Variants in CBR4 observed in about 807,000 individuals in gnomAD.
CBR4 encodes the protein 3-oxoacyl-[acyl-carrier-protein] reductase.
CBR4 carries 22 observed loss-of-function variants against 21.0 expected under a neutral mutation model. That is an observed-to-expected ratio of 1.05 (90% CI 0.75 to 1.50). The LOEUF (loss-of-function observed/expected upper bound fraction) is 1.50, where lower values mean the gene tolerates loss of function less well. CBR4 is among the 40% of genes most tolerant of loss of function. CBR4 has a pLI of 0.00. For synonymous variants in CBR4, 100 were observed against 104.4 expected, an observed-to-expected ratio of 0.96 and a Z score of 0.26; for missense variants, 302 against 286.3, an observed-to-expected ratio of 1.05 and a Z score of -0.40.
At chr4:168,927,223 G>A (rs2126629933) in intron 2 of CBR4, 1 of 231,234 alleles carries the variant, frequency 4.3e-6, no homozygotes, top group Non-Finnish European at 8.6e-6. Context: ...GGAGGAGAAT[G>A]AAGGAAAATG....
intron 2 of CBR4, among the ~76,000 whole-genome samples, chr4:168,906,032 G>C (rs1040046868): frequency 2.6e-5 from 4 of 151,860 alleles, no homozygotes; most frequent in Non-Finnish European, 4.4e-5. Flanking sequence ...GCATTTCCTT[G>C]ACATTAACAA....
Position 168,989,187 on chromosome 4 carries a change from A to C in CBR4, c.*963T>G. On this transcript the variant is annotated 3_prime_UTR_variant, in exon 5 of 5. Coordinates refer to ENST00000306193, the MANE Select transcript of CBR4 (RefSeq NM_032783.5). ...TCTAGAATTTTGGGATAAGAATCAT[A>C]ATCACTAATGCAAAATACTCTTAAT... 6.2e-6 allele frequency: 6 copies of C among 967,254 alleles called. No individual in the cohort carries two copies. The highest frequency in any genetic ancestry group is 7.4e-6 in the Non-Finnish European group (6 of 813,396). 59.9% of individuals were successfully genotyped at this position (967,254 alleles called of 1,614,324 possible).
chr4:168,896,711 G>A (rs1755257981), intron 2 of CBR4: 1 of 668,534 alleles, frequency 1.5e-6, no homozygotes, highest in Non-Finnish European at 2.6e-6. Context: ...AATTATAAAT[G>A]CTATGACCAG....
intron 2 of CBR4, among the ~76,000 whole-genome samples, chr4:168,929,848 T>G (rs1425873710): frequency 3.3e-5 from 5 of 152,164 alleles, no homozygotes; most frequent in Admixed American, 6.5e-5. Context: ...CTCAATAAAT[T>G]TCAGCTATTA....
At chr4:168,913,790 G>C (rs1759540069) in intron 2 of CBR4, 1 of 698,550 alleles carries the variant, frequency 1.4e-6, no homozygotes, top group Non-Finnish European at 2.6e-6. Context: ...TTTCTGAAAA[G>C]GGTTAGTCAT....
chr4:168,911,300 A>C (rs1405699757), intron 2 of CBR4, among the ~76,000 whole-genome samples: 3 of 152,216 alleles, frequency 2.0e-5, no homozygotes, highest in Non-Finnish European at 2.9e-5. Context: ...TTTAAGTCTG[A>C]ATTTAACTTA....
At chr4:168,899,829 A>G (rs909065724) in intron 2 of CBR4, among the ~76,000 whole-genome samples, 4 of 151,700 alleles carry the variant, frequency 2.6e-5, no homozygotes, top group African/African-American at 9.7e-5. Flanking sequence ...AGGCAGGAGA[A>G]TTGCTGGAAC....
chr4:168,953,106 A>T (rs1222119013), intron 2 of CBR4, among the ~76,000 whole-genome samples: 1 of 152,060 alleles, frequency 6.6e-6, no homozygotes, highest in Non-Finnish European at 1.5e-5. Context: ...GCTGTGGAGG[A>T]TGTGGGTGAG....
intron 2 of CBR4, among the ~76,000 whole-genome samples, chr4:168,936,010 CAGACATCTCATA>C (rs1262056864): frequency 1.3e-5 from 2 of 152,174 alleles, no homozygotes; most frequent in Admixed American, 6.5e-5. Context: ...CAGGGGTCGA[CAGACATCTCATA>C]CAGGACAGCT....
intron 3 of CBR4, among the ~76,000 whole-genome samples, 197 bp from the exon 4 acceptor site, chr4:169,002,402 T>C (rs919354514): frequency 3.3e-5 from 5 of 152,194 alleles, no homozygotes; most frequent in Admixed American, 6.5e-5. Flanking sequence ...TCCAGATACA[T>C]ACAGAAAATA....
intron 2 of CBR4, chr4:168,924,216 G>C (rs777810564): frequency 1.3e-6 from 2 of 1,573,738 alleles, no homozygotes; most frequent in South Asian, 2.2e-5. Flanking sequence ...TGCTCCTTTT[G>C]TATATCATTG....
intron 2 of CBR4, among the ~76,000 whole-genome samples, chr4:168,972,586 G>C (rs1764243994): frequency 6.6e-6 from 1 of 152,138 alleles, no homozygotes; most frequent in Non-Finnish European, 1.5e-5. Flanking sequence ...CAGCTTGGTT[G>C]CTGTTGGTGT....
chr4:168,987,737 G>A lies in CBR4; in HGVS notation c.*2413C>T, dbSNP rs1419041738. ...AAGGTACAACTCTTGAATATGCAGC[G>A]TAGTCTTCTCTCTTTATTCTGAATA... On this transcript the variant is annotated 3_prime_UTR_variant, in exon 5 of 5. Transcript: ENST00000306193. 2.8e-5 allele frequency: 28 copies of A among 984,792 alleles called. No homozygotes were observed. The highest frequency in any genetic ancestry group is 6.2e-5 in the Admixed American group (1 of 16,252). The allele number at this position is 984,792 out of a possible 1,614,324, so 61.0% of individuals were successfully genotyped here.
intron 2 of CBR4, among the ~76,000 whole-genome samples, chr4:168,929,278 G>A (rs1762887863): frequency 6.6e-6 from 1 of 152,122 alleles, no homozygotes; most frequent in African/African-American, 2.4e-5. Flanking sequence ...TTGGGCCTAG[G>A]CTTTCCTACT....
Position 169,006,757 on chromosome 4 carries a change from A to G in CBR4, c.398T>C (p.Val133Ala). 6.2e-7 allele frequency: 1 copy of G among 1,613,346 alleles called. No individual in the cohort carries two copies. Among genetic ancestry groups the G allele is most frequent in the Non-Finnish European group, 8.5e-7 (1 of 1,179,368 alleles). The change falls in exon 3 of 5, where the codon GTA (valine) becomes GCA (alanine). Residue 133 changes from valine to alanine, a missense_variant and splice_region_variant. Coordinates refer to ENST00000306193, the MANE Select transcript of CBR4 (RefSeq NM_032783.5). ...IQQQGGSIVN[V>A]GSIVGLKGNS... ...AATTCACAAAGGTGAAGACTCACCTACATTAACAATAGACCCTCCCTGTTG... is the reference window on the plus strand; with the variant it reads ...AATTCACAAAGGTGAAGACTCACCTGCATTAACAATAGACCCTCCCTGTTG...
Position 168,987,981 on chromosome 4 carries a change from C to G in CBR4, c.*2169G>C. On this transcript the variant is annotated 3_prime_UTR_variant, in exon 5 of 5. Coordinates refer to ENST00000306193, the MANE Select transcript of CBR4 (RefSeq NM_032783.5). ...ATTTTGTTAATGCTAAGCACAGAACCCTTATGGGCTCATAGGAGTCAGCAA... is the reference window on the plus strand; with the variant it reads ...ATTTTGTTAATGCTAAGCACAGAACGCTTATGGGCTCATAGGAGTCAGCAA... The G allele has an allele frequency of 4.1e-6, 4 of 985,344 alleles. No homozygotes were observed. Among genetic ancestry groups the G allele is most frequent in the Non-Finnish European group, 4.8e-6 (4 of 829,898 alleles). 61.0% of individuals were successfully genotyped at this position (985,344 alleles called of 1,614,324 possible). A position where few individuals can be genotyped will look rare whatever the true frequency, so the allele number is the denominator to read the frequency against.
At chr4:168,917,283 C>T (rs1449794375) in intron 2 of CBR4, among the ~76,000 whole-genome samples, 5 of 151,988 alleles carry the variant, frequency 3.3e-5, no homozygotes, top group Admixed American at 1.3e-4. Context: ...CTCCTGACCT[C>T]GTGATCCGCC....
chr4:168,951,734 G>GA, intron 2 of CBR4, among the ~76,000 whole-genome samples: 1 of 152,318 alleles, frequency 6.6e-6, no homozygotes, highest in East Asian at 1.9e-4. Flanking sequence ...GGAGGCTGAA[G>GA]ACAGGGCCCC....
intron 2 of CBR4, chr4:168,927,306 T>TTTC (rs1762689296): frequency 4.3e-6 from 1 of 231,680 alleles, no homozygotes; most frequent in Admixed American, 5.6e-5. Flanking sequence ...AGGCCAGGCT[T>TTTC]TTCTTTGGTT....
Sources: allele counts gnomAD v4.1 joint callset (sites outside exome capture counted in the v4.1 genomes callset), GRCh38; gene constraint gnomAD v4.1.1; transcripts MANE v1.5; gene names NCBI Gene and HGNC (gene_info 2026-07-23, HGNC 2026-07-21).